Variants in PCDHA1 observed in about 807,000 individuals in gnomAD.
The protein encoded by PCDHA1 is protocadherin alpha 1, also known as protocadherin alpha-1.
A neutral mutation model predicts 61.3 loss-of-function variants in PCDHA1; 42 were observed. The ratio of observed to expected loss-of-function variants is 0.69; its 90% CI spans 0.54 to 0.89. The LOEUF (loss-of-function observed/expected upper bound fraction) is 0.89, where lower values mean the gene tolerates loss of function less well. PCDHA1 is among the 40% of genes least tolerant of loss of function. PCDHA1 has a pLI of 0.00. For missense variants in PCDHA1, 1,256 were observed against 1,235.3 expected (o/e 1.02, Z -0.25); for synonymous variants, 610 against 553.8 (o/e 1.10, Z -1.43).
intron 1 of PCDHA1, chr5:140,884,079 A>G (rs2059982825): frequency 5.6e-6 from 9 of 1,613,504 alleles, no homozygotes; most frequent in South Asian, 3.3e-5. Context: ...TCGGGCTACA[A>G]TGCGTGGCTT....
At position 140,976,185 on chromosome 5, in the gene PCDHA1, A is replaced by G. The variant is rs545410193; in HGVS notation, c.2395-2764A>G. Among the ~76,000 whole-genome samples the G allele has an allele frequency of 4.6e-5, 7 of 152,340 alleles. No homozygotes were observed. The South Asian group carries it at 1.2e-3, about 27-fold the overall frequency. ...TTTAGTTTTGTATTGTTTTAAATCAATATCCTGGAAACTCAGAAGTAAAAA... is the reference window on the plus strand; with the variant it reads ...TTTAGTTTTGTATTGTTTTAAATCAGTATCCTGGAAACTCAGAAGTAAAAA... On this transcript the variant is annotated intron_variant, in intron 1 of 3. Coordinates refer to ENST00000504120, the MANE Select transcript of PCDHA1 (RefSeq NM_018900.4).
intron 1 of PCDHA1, chr5:140,811,439 T>G (rs1325760038): frequency 6.6e-6 from 1 of 152,240 alleles, no homozygotes; most frequent in Non-Finnish European, 1.5e-5. Context: ...TCCAAGTCTT[T>G]GCTATTGTGA....
chr5:140,883,242 A>C (rs1562785855), intron 1 of PCDHA1: 2 of 1,614,066 alleles, frequency 1.2e-6, no homozygotes, highest in Non-Finnish European at 1.7e-6. Context: ...GCAGTTGACA[A>C]AGGAAATATT....
chr5:140,903,146 C>A (rs2070035349), intron 1 of PCDHA1, among the ~76,000 whole-genome samples: 1 of 152,178 alleles, frequency 6.6e-6, no homozygotes, highest in South Asian at 2.1e-4. Flanking sequence ...AAACTGTTTT[C>A]CATAGTGGTT....
chr5:140,824,752 G>A (rs1768348578), intron 1 of PCDHA1: 1 of 150,996 alleles, frequency 6.6e-6, no homozygotes, highest in African/African-American at 2.4e-5. Context: ...GAGCAAGAGT[G>A]CCTGGCCTAT....
rs1191412792 is a variant in PCDHA1 at position 140,853,165 on chromosome 5, C to T, written c.2394+64481C>T. ...AAATGCTGGGATTACAGGCGTGAGCCACCGCGCCTGGCCTAAAATGTGTTC... is the reference window on the plus strand; with the variant it reads ...AAATGCTGGGATTACAGGCGTGAGCTACCGCGCCTGGCCTAAAATGTGTTC... On this transcript the variant is annotated intron_variant, in intron 1 of 3. Coordinates refer to ENST00000504120, the MANE Select transcript of PCDHA1 (RefSeq NM_018900.4). The T allele has an allele frequency of 4.2e-6, 4 of 947,174 alleles. No homozygotes were observed. In the African/African-American group the frequency reaches 7.1e-5, roughly 17 times the overall value. The allele number at this position is 947,174 out of a possible 1,614,324, so 58.7% of individuals were successfully genotyped here.
At chr5:140,837,263 G>C (rs2150274412) in intron 1 of PCDHA1, 1 of 152,030 alleles carries the variant, frequency 6.6e-6, no homozygotes, top group East Asian at 1.9e-4. Flanking sequence ...TATCATATTT[G>C]TGTAGCACTG....
chr5:140,842,582 T>A, intron 1 of PCDHA1: 1 of 1,520,542 alleles, frequency 6.6e-7, no homozygotes, highest in Non-Finnish European at 8.9e-7. Context: ...AGTGTCGGCC[T>A]ATGAGTTGGT....
intron 1 of PCDHA1, chr5:140,966,441 C>A (rs2096002534): frequency 4.7e-6 from 2 of 424,804 alleles, no homozygotes; most frequent in South Asian, 1.8e-4. Context: ...CTACCGCTCC[C>A]TTTCCCCCTC....
intron 1 of PCDHA1, among the ~76,000 whole-genome samples, chr5:140,918,743 A>T (rs1346660934): frequency 6.6e-6 from 1 of 152,196 alleles, no homozygotes; most frequent in Non-Finnish European, 1.5e-5. Flanking sequence ...CCCTTATAAA[A>T]GAGGCCCAGA....
intron 1 of PCDHA1, chr5:140,809,232 C>A: frequency 2.5e-6 from 4 of 1,614,062 alleles, no homozygotes; most frequent in Non-Finnish European, 3.4e-6. Flanking sequence ...TCCTCACGGG[C>A]GTTGGTGGGC....
chr5:140,897,174 G>C (rs1356780883), intron 1 of PCDHA1, among the ~76,000 whole-genome samples: 1 of 151,818 alleles, frequency 6.6e-6, no homozygotes, highest in Non-Finnish European at 1.5e-5. Context: ...TATCTCCATG[G>C]GTTCAAAAAA....
At chr5:140,875,428 C>T (rs782761347) in intron 1 of PCDHA1, 1 of 1,537,796 alleles carries the variant, frequency 6.5e-7, no homozygotes, top group Non-Finnish European at 8.7e-7. Context: ...GGCAAGCGAT[C>T]CCTTAAAACT....
chr5:140,985,139 G>A (rs782548607), intron 3 of PCDHA1, among the ~76,000 whole-genome samples: 6 of 152,126 alleles, frequency 3.9e-5, no homozygotes, highest in South Asian at 2.1e-4. Flanking sequence ...GGGTTTCACC[G>A]TGTTAGCCAG....
chr5:140,802,374 G>A (rs782803218), intron 1 of PCDHA1: 8 of 1,614,082 alleles, frequency 5.0e-6, no homozygotes, highest in Admixed American at 3.3e-5. Context: ...GACGCCCCAC[G>A]TCCCCTTCAA....
chr5:140,983,359 A>G (rs1310994731), intron 3 of PCDHA1, among the ~76,000 whole-genome samples: 1 of 152,254 alleles, frequency 6.6e-6, no homozygotes, highest in African/African-American at 2.4e-5. Flanking sequence ...TAATAGAAAT[A>G]TGGCTTTGGA....
intron 3 of PCDHA1, among the ~76,000 whole-genome samples, chr5:140,987,698 A>T (rs1213489735): frequency 6.6e-6 from 1 of 152,142 alleles, no homozygotes; most frequent in African/African-American, 2.4e-5. Flanking sequence ...TTTTTAAATG[A>T]TTTTTCCAGG....
chr5:140,870,608 C>A (rs1408684171), intron 1 of PCDHA1: 1 of 1,613,106 alleles, frequency 6.2e-7, no homozygotes, highest in African/African-American at 1.3e-5. Flanking sequence ...GGCGACCGCG[C>A]GCTGTCGAGC....
At chr5:140,883,126 G>T (rs781992873) in intron 1 of PCDHA1, 1 of 1,614,036 alleles carries the variant, frequency 6.2e-7, no homozygotes, top group Non-Finnish European at 8.5e-7. Context: ...GGCCTGTATG[G>T]CCTGCAGTGG....
Sources: gnomAD v4.1 joint callset for allele counts (sites outside exome capture counted in the v4.1 genomes callset) on GRCh38, gnomAD v4.1.1 for gene constraint, MANE v1.5 for transcripts, NCBI Gene and HGNC (gene_info 2026-07-23, HGNC 2026-07-21) for gene names.